The following INSL6 variants were observed in gnomAD, a reference collection of about 807,000 sequenced individuals.
INSL6 encodes insulin like 6, also known as insulin-like peptide INSL6.
A neutral mutation model predicts 9.4 loss-of-function variants in INSL6; 16 were observed. The observed-to-expected ratio is 1.70, with a 90% CI of 1.15 to 2.59. The LOEUF is 2.59. INSL6 is among the 30% of genes most tolerant of loss of function. The pLI is 0.00. For missense variants in INSL6, 391 were observed against 257.3 expected (o/e 1.52, Z -3.56); for synonymous variants, 154 against 96.9 (o/e 1.59, Z -3.46).
rs139964957 is a variant in INSL6, at chr9:5,128,080, T to TTGTGTGTG, written c.*11-3577_*11-3570dup. On this transcript the variant is annotated intron_variant, in intron 3 of 3. Coordinates refer to the INSL6 transcript ENST00000649639. ...TAGCTAAAATAAAATATGGTGGGTT[T>TTGTGTGTG]TGTGTGTGTGTGTGTGTGTGTGTGT... is the stretch of plus-strand genomic sequence containing the variant. The TTGTGTGTG allele has an allele frequency of 1.5e-3, 347 of 224,714 alleles. 1 individual carries two copies. The highest frequency in any genetic ancestry group is 6.5e-3 in the African/African-American group (282 of 43,238). 13.9% of individuals were successfully genotyped at this position (224,714 alleles called of 1,614,324 possible). A position where few individuals can be genotyped will look rare whatever the true frequency, so the allele number is the denominator to read the frequency against.
chr9:5,050,865 G>A, the INSL6 span: 1 of 1,549,048 alleles, frequency 6.5e-7, no homozygotes, highest in Non-Finnish European at 8.9e-7. Context: ...ACACATAAGT[G>A]TGAGTAGAGA....
chr9:5,087,613 G>T, the INSL6 span, among the ~76,000 whole-genome samples: 1 of 152,146 alleles, frequency 6.6e-6, no homozygotes, highest in African/African-American at 2.4e-5. Context: ...AAGTGAGACT[G>T]ATTTTTGCCT....
At chr9:5,112,865 G>T in the INSL6 span, 2 of 457,860 alleles carry the variant, frequency 4.4e-6, no homozygotes, top group Non-Finnish European at 7.1e-6. Flanking sequence ...ACGCCTCCGT[G>T]GGACGAGCCA....
At chr9:5,049,370 C>T in the INSL6 span, among the ~76,000 whole-genome samples, 2 of 152,072 alleles carry the variant, frequency 1.3e-5, no homozygotes, top group African/African-American at 4.8e-5. Flanking sequence ...AACTTCAGGC[C>T]CTAATCAAAT....
the INSL6 span, among the ~76,000 whole-genome samples, chr9:5,101,172 T>C: frequency 6.6e-6 from 1 of 152,328 alleles, no homozygotes; most frequent in Admixed American, 6.5e-5. Flanking sequence ...CAGGACACTT[T>C]TGCCCAAATA....
the INSL6 span, chr9:5,077,715 T>C: frequency 2.1e-6 from 1 of 487,686 alleles, no homozygotes; most frequent in Non-Finnish European, 3.4e-6. Context: ...TGTTAGGTGA[T>C]AAAAAGAGAT....
intron 3 of INSL6, chr9:5,132,960 A>G (rs1824319867): frequency 6.6e-6 from 1 of 152,152 alleles, no homozygotes; most frequent in Non-Finnish European, 1.5e-5. Flanking sequence ...GCCTCAAATA[A>G]TCTCATCATC....
the INSL6 span, chr9:5,109,903 T>A: frequency 6.6e-6 from 1 of 152,218 alleles, no homozygotes; most frequent in Non-Finnish European, 1.5e-5. Flanking sequence ...TGAGAAGGTA[T>A]AGGAATCATG....
At chr9:5,167,102 G>C (rs555959416) in intron 1 of INSL6, among the ~76,000 whole-genome samples, 1 of 152,234 alleles carries the variant, frequency 6.6e-6, no homozygotes, top group Non-Finnish European at 1.5e-5. Flanking sequence ...GACTCAGAGA[G>C]AGCAAGGAAA....
chr9:5,109,603 T>C, the INSL6 span: 1 of 152,122 alleles, frequency 6.6e-6, no homozygotes, highest in Non-Finnish European at 1.5e-5. Flanking sequence ...TACATAAAAA[T>C]AGCCATCACA....
the INSL6 span, among the ~76,000 whole-genome samples, chr9:5,018,597 C>T: frequency 1.3e-5 from 2 of 152,166 alleles, no homozygotes; most frequent in African/African-American, 4.8e-5. Context: ...CCTCAGCCAC[C>T]CAAAGTGCTA....
chr9:5,023,929 A>T, the INSL6 span, among the ~76,000 whole-genome samples: 1 of 151,774 alleles, frequency 6.6e-6, no homozygotes, highest in African/African-American at 2.4e-5. Context: ...AGCTTGTAAG[A>T]TATTTTTTAG....
chr9:5,111,726 G>A, the INSL6 span: 249 of 433,008 alleles, frequency 5.8e-4, 4 homozygotes, highest in Admixed American at 2.1e-3. Flanking sequence ...CAGCACGAGC[G>A]CGTGGGCTAC....
chr9:5,176,525 T>A (rs1825311952), intron 1 of INSL6, among the ~76,000 whole-genome samples: 1 of 152,088 alleles, frequency 6.6e-6, no homozygotes, highest in African/African-American at 2.4e-5. Flanking sequence ...GAAAAAATCA[T>A]AAGACTAAGC....
At chr9:5,022,296 A>G in the INSL6 span, 1 of 830,030 alleles carries the variant, frequency 1.2e-6, no homozygotes, top group Non-Finnish European at 1.9e-6. Context: ...CATGCATAAT[A>G]TATATTTTTA....
At chr9:5,127,994 T>TAAGTA in intron 3 of INSL6, 2 of 232,262 alleles carry the variant, frequency 8.6e-6, no homozygotes, top group Non-Finnish European at 1.7e-5. Flanking sequence ...TCTTTTCAAT[T>TAAGTA]AAGTATAAGG....
chr9:5,069,804 G>C, the INSL6 span: 2 of 479,130 alleles, frequency 4.2e-6, no homozygotes, highest in Non-Finnish European at 6.9e-6. Context: ...TATAAAAAAA[G>C]AACAATTAGG....
At chr9:5,011,210 T>C in the INSL6 span, among the ~76,000 whole-genome samples, 364 of 151,404 alleles carry the variant, frequency 2.4e-3, 1 homozygote, top group African/African-American at 8.6e-3. Flanking sequence ...GTTCCACTTA[T>C]ATGTATCAGA....
rs753418629 is a variant in INSL6, at chr9:5,185,390, C to T, written c.213G>A (p.Lys71=). The T allele has an allele frequency of 5.6e-6, 9 of 1,614,056 alleles. No homozygotes were observed. In the East Asian group the frequency reaches 8.9e-5, roughly 16 times the overall value. ...FSRLIAQASE[K]VEAYSPYQFE... is the part of the protein sequence containing the mutation. Reference sequence around the variant, plus strand: ...ACTGGTATGGGCTGTAGGCTTCGACCTTCTCCGAGGCCTGTGCAATCAACC... The same window carrying T: ...ACTGGTATGGGCTGTAGGCTTCGACTTTCTCCGAGGCCTGTGCAATCAACC... Residue 71 remains lysine (K), a synonymous_variant, in exon 1 of 2, where the codon AAG becomes AAA. Transcript: ENST00000381641.
Sources: gnomAD v4.1 joint callset for allele counts (sites outside exome capture counted in the v4.1 genomes callset) on GRCh38, gnomAD v4.1.1 for gene constraint, MANE v1.5 for transcripts, NCBI Gene and HGNC (gene_info 2026-07-23, HGNC 2026-07-21) for gene names.